GPHN: variants seen among roughly 807,000 people sequenced by gnomAD.
GPHN encodes gephyrin.
A neutral mutation model predicts 95.5 loss-of-function variants in GPHN; 17 were observed. That is an observed-to-expected ratio of 0.18 (90% CI 0.12 to 0.27). The LOEUF is 0.27. Ranked by LOEUF, GPHN falls within the 10% of genes least tolerant of loss-of-function variation. The pLI, the probability that GPHN is intolerant of heterozygous loss-of-function variation, is 1.00. For synonymous variants in GPHN, 320 were observed against 322.5 expected (o/e 0.99, Z 0.08); for missense variants, 660 against 978.1 (o/e 0.67, Z 4.34).
At chr14:67,317,281 A>G in the GPHN span, 12 of 753,222 alleles carry the variant, frequency 1.6e-5, no homozygotes, top group Non-Finnish European at 2.3e-5. Context: ...TGGCCAACAT[A>G]TGGAGATCTC....
chr14:66,858,809 AC>A (rs1411096206), intron 4 of GPHN, among the ~76,000 whole-genome samples: 1 of 151,950 alleles, frequency 6.6e-6, no homozygotes, highest in Non-Finnish European at 1.5e-5. Flanking sequence ...GGCAGCATTC[AC>A]CACAAACTGA....
chr14:67,203,278 A>G, the GPHN span: 1 of 1,591,204 alleles, frequency 6.3e-7, no homozygotes, highest in Non-Finnish European at 8.6e-7. Context: ...CCTGCAGAGA[A>G]ACTAGTGCTC....
chr14:67,536,009 T>A, the GPHN span, among the ~76,000 whole-genome samples: 1 of 152,228 alleles, frequency 6.6e-6, no homozygotes, highest in Non-Finnish European at 1.5e-5. Flanking sequence ...GATTATTTAG[T>A]GCCTGAGCTC....
chr14:67,232,451 A>T, the GPHN span, among the ~76,000 whole-genome samples: 2 of 152,202 alleles, frequency 1.3e-5, no homozygotes, highest in Non-Finnish European at 2.9e-5. Context: ...TCCAGAGCTG[A>T]CATCCTGCTT....
At chr14:67,694,489 C>CACATATATATAT in the GPHN span, among the ~76,000 whole-genome samples, 3 of 144,186 alleles carry the variant, frequency 2.1e-5, no homozygotes, top group African/African-American at 7.8e-5. Context: ...CACACACACA[C>CACATATATATAT]ATATATATAT....
chr14:67,222,117 A>T, the GPHN span: 109 of 291,470 alleles, frequency 3.7e-4, no homozygotes, highest in South Asian at 8.6e-3. Context: ...CGCCAAGCCT[A>T]GTTCTGCAGG....
chr14:66,808,875 G>A (rs1460387055), intron 3 of GPHN, among the ~76,000 whole-genome samples: 2 of 152,198 alleles, frequency 1.3e-5, no homozygotes, highest in South Asian at 2.1e-4. Flanking sequence ...CAACCAGAGT[G>A]TCAAGGAATT....
At chr14:66,662,128 G>T (rs2153376258) in intron 1 of GPHN, among the ~76,000 whole-genome samples, 1 of 152,170 alleles carries the variant, frequency 6.6e-6, no homozygotes, top group South Asian at 2.1e-4. Flanking sequence ...GGGCAGAAGT[G>T]GTACACCCAC....
chr14:67,280,849 T>TTCCTTCCTTCCTTCCTTCCC, the GPHN span, among the ~76,000 whole-genome samples: 2 of 101,524 alleles, frequency 2.0e-5, no homozygotes, highest in East Asian at 4.4e-4. Context: ...CCTTCCTTCC[T>TTCCTTCCTTCCTTCCTTCCC]TCCTTCCCTC....
chr14:66,525,052 T>A (rs1321686016), intron 1 of GPHN, among the ~76,000 whole-genome samples: 2 of 152,210 alleles, frequency 1.3e-5, no homozygotes, highest in African/African-American at 4.8e-5. Flanking sequence ...TTTCTGGTTC[T>A]AGATCCTTGA....
the GPHN span, chr14:67,340,507 G>A: frequency 1.9e-5 from 31 of 1,599,002 alleles, no homozygotes; most frequent in South Asian, 3.3e-5. Flanking sequence ...CGTTCAATCC[G>A]GGGAATGATG....
At chr14:67,074,265 C>T (rs1260595518) in intron 11 of GPHN, among the ~76,000 whole-genome samples, 5 of 151,670 alleles carry the variant, frequency 3.3e-5, no homozygotes, top group Non-Finnish European at 7.4e-5. Context: ...TTTCCAACAG[C>T]ATGTGTTCCT....
the GPHN span, chr14:67,350,755 T>C: frequency 7.1e-7 from 1 of 1,417,110 alleles, no homozygotes; most frequent in East Asian, 2.3e-5. Flanking sequence ...TCCATCATAA[T>C]TATGTTCCTT....
At chr14:66,958,523 C>G (rs2068684705) in intron 8 of GPHN, among the ~76,000 whole-genome samples, 1 of 152,118 alleles carries the variant, frequency 6.6e-6, no homozygotes, top group Non-Finnish European at 1.5e-5. Context: ...ATGGTATAAC[C>G]AACTACACAC....
chr14:66,538,377 T>C (rs1016529433), intron 1 of GPHN, among the ~76,000 whole-genome samples: 9 of 152,020 alleles, frequency 5.9e-5, no homozygotes, highest in African/African-American at 2.2e-4. Context: ...CTTTATATTT[T>C]GCTTCTACCC....
At chr14:67,422,098 T>C in the GPHN span, among the ~76,000 whole-genome samples, 1 of 152,182 alleles carries the variant, frequency 6.6e-6, no homozygotes, top group Non-Finnish European at 1.5e-5. Flanking sequence ...AGCATGCTTT[T>C]GATGTACAAA....
chr14:66,931,183 G>A, intron 8 of GPHN, among the ~76,000 whole-genome samples: 1 of 152,084 alleles, frequency 6.6e-6, no homozygotes, highest in East Asian at 1.9e-4. Context: ...TTCTCTCCCA[G>A]CCTGTAAGGT....
chr14:67,325,220 C>G, the GPHN span, among the ~76,000 whole-genome samples: 1 of 152,126 alleles, frequency 6.6e-6, no homozygotes, highest in Non-Finnish European at 1.5e-5. Context: ...TCATTCTTGA[C>G]TGTCCACCAC....
chr14:67,044,787 G>C (rs201041699), intron 10 of GPHN, among the ~76,000 whole-genome samples: 3 of 150,492 alleles, frequency 2.0e-5, no homozygotes, highest in African/African-American at 7.3e-5. Flanking sequence ...CTCTCTCTCT[G>C]TCTTTCTCTC....
Sources: gnomAD v4.1 joint callset for allele counts (sites outside exome capture counted in the v4.1 genomes callset) on GRCh38, gnomAD v4.1.1 for gene constraint, MANE v1.5 for transcripts, NCBI Gene and HGNC (gene_info 2026-07-23, HGNC 2026-07-21) for gene names.